The following CDR2 variants were observed in gnomAD, a reference collection of about 807,000 sequenced individuals.
CDR2 encodes cerebellar degeneration-related protein 2.
In CDR2, 34 loss-of-function variants were observed where a neutral mutation model predicts 48.4. That is an observed-to-expected ratio of 0.70 (90% confidence interval 0.53 to 0.94). The LOEUF (loss-of-function observed/expected upper bound fraction) is 0.94. CDR2 is among the 40% of genes least tolerant of loss of function. CDR2 has a pLI of 0.00. For synonymous variants in CDR2, 240 were observed against 219.7 expected (o/e 1.09, Z -0.82); for missense variants, 498 against 549.5 (o/e 0.91, Z 0.94).
At chr16:22,359,304 T>A (rs2048996496) in intron 2 of CDR2, among the ~76,000 whole-genome samples, 3 of 152,206 alleles carry the variant, frequency 2.0e-5, no homozygotes, top group South Asian at 4.1e-4. Flanking sequence ...TTTTTCTATT[T>A]TTAGCAGAGA....
chr16:22,364,904 C>A lies in CDR2; in HGVS notation c.190G>T (p.Glu64Ter). Residue 64 changes from glutamate to a stop codon, truncating the protein, a stop_gained and splice_region_variant, in exon 2 of 5, where the codon GAG (glutamate) becomes TAG (stop). Coordinates refer to ENST00000268383, the MANE Select transcript of CDR2 (RefSeq NM_001802.2). LOFTEE classifies it high-confidence loss of function. Reference protein sequence around the residue: ...TTNQEQLQEIEYLTKQVELLR... With the variant: ...TTNQEQLQEI The stretch of plus-strand genomic sequence containing the variant: ...AACTCTCCTGCCAAGTGAATTACCT[C>A]AATTTCCTGTAACTGCTCCTGATTG... 6.3e-7 allele frequency: 1 copy of A among 1,585,986 alleles called. No homozygotes were observed. The highest frequency in any genetic ancestry group is 8.7e-7 in the Non-Finnish European group (1 of 1,154,536).
chr16:22,354,726 T>TA (rs755319252), intron 2 of CDR2, among the ~76,000 whole-genome samples: 3,662 of 132,252 alleles, frequency 0.028, 65 homozygotes, highest in Non-Finnish European at 0.04. Flanking sequence ...CATCTCTACT[T>TA]AAAAAAAAAA....
chr16:22,365,991 A>T (rs2049042707), intron 1 of CDR2, among the ~76,000 whole-genome samples: 1 of 152,214 alleles, frequency 6.6e-6, no homozygotes, highest in African/African-American at 2.4e-5. Flanking sequence ...TCAATATAAG[A>T]TTGTGAAAAT....
intron 2 of CDR2, among the ~76,000 whole-genome samples, chr16:22,357,089 TC>T (rs2048979753): frequency 6.6e-6 from 1 of 152,096 alleles, no homozygotes; most frequent in Admixed American, 6.5e-5. Context: ...GGAGTCTCAC[TC>T]TGTTGCCCAG....
At chr16:22,350,282 A>T (rs1167758762) in intron 2 of CDR2, among the ~76,000 whole-genome samples, 1 of 152,004 alleles carries the variant, frequency 6.6e-6, no homozygotes, top group Non-Finnish European at 1.5e-5. Flanking sequence ...GCTGACATAG[A>T]GTCTCCATCT....
At chr16:22,365,464 G>A (rs1389733977) in intron 1 of CDR2, among the ~76,000 whole-genome samples, 1 of 152,058 alleles carries the variant, frequency 6.6e-6, no homozygotes, top group African/African-American at 2.4e-5. Context: ...ATATATCCTG[G>A]ACTCCTAAGG....
In CDR2 at chr16:22,347,481, G is replaced by A. The variant is rs777474628; in HGVS notation, c.849C>T (p.Phe283=). Residue 283 remains phenylalanine (F), a synonymous_variant, in exon 5 of 5, where the codon TTC becomes TTT. Transcript: ENST00000268383. The part of the protein sequence containing the change: ...KLVPDSLYVP[F]KEPSQSLLEE... ...CCAGCAGGCTCTGGCTGGGCTCTTT[G>A]AAAGGAACATACAGAGAGTCTGGCA... 20 of 1,613,922 alleles carry A rather than the reference G, an allele frequency of 1.2e-5. No homozygotes were observed. Among genetic ancestry groups the A allele is most frequent in the Non-Finnish European group, 1.7e-5 (20 of 1,180,022 alleles).
At chr16:22,348,324 A>C (rs1405337067) in intron 4 of CDR2, among the ~76,000 whole-genome samples, 1 of 152,150 alleles carries the variant, frequency 6.6e-6, no homozygotes, top group African/African-American at 2.4e-5. Flanking sequence ...AAGCAAACTC[A>C]ATTTTTGTGA....
At position 22,347,164 on chromosome 16, in the gene CDR2, A is replaced by T; in HGVS notation, c.1166T>A (p.Leu389Gln). Residue 389 changes from leucine to glutamine, a missense_variant, in exon 5 of 5, where the codon CTG (leucine) becomes CAG (glutamine). By Grantham distance (113) the Leu-to-Gln change is moderately radical (BLOSUM62 -2). Transcript: ENST00000268383. ...VQTSRAAAKDLTGVNAQSEPV... is the reference protein window; with the variant it reads ...VQTSRAAAKDQTGVNAQSEPV... ...CTCAGACTGGGCGTTCACTCCAGTC[A>T]GGTCCTTGGCTGCAGCCCTGGAGGT... 1 of 1,614,220 alleles carries T rather than the reference A, an allele frequency of 6.2e-7. No homozygotes were observed. The highest frequency in any genetic ancestry group is 8.5e-7 in the Non-Finnish European group (1 of 1,180,020).
At chr16:22,349,520 C>T (rs1223504890) in intron 3 of CDR2, 77 bp from the exon 4 acceptor site, 2 of 1,516,022 alleles carry the variant, frequency 1.3e-6, no homozygotes, top group Non-Finnish European at 1.8e-6. Context: ...AGATTAGGTG[C>T]AAACCACTCA....
At chr16:22,363,231 C>T (rs1430584726) in intron 2 of CDR2, among the ~76,000 whole-genome samples, 1 of 152,180 alleles carries the variant, frequency 6.6e-6, no homozygotes, top group African/African-American at 2.4e-5. Context: ...CTTGAGCCAT[C>T]GCGCCCGGCC....
chr16:22,372,667 G>A (rs928968819), intron 1 of CDR2, among the ~76,000 whole-genome samples: 1 of 152,154 alleles, frequency 6.6e-6, no homozygotes, highest in Non-Finnish European at 1.5e-5. Flanking sequence ...TTGTTAATAT[G>A]TATAATAAAT....
chr16:22,373,758 G>A (rs945894669), intron 1 of CDR2, among the ~76,000 whole-genome samples: 2 of 152,318 alleles, frequency 1.3e-5, no homozygotes, highest in Admixed American at 6.5e-5. Context: ...CTGGAGTTAC[G>A]GTGCGGAGCG....
intron 1 of CDR2, among the ~76,000 whole-genome samples, chr16:22,373,786 C>T (rs1307314803): frequency 6.6e-6 from 1 of 152,256 alleles, no homozygotes; most frequent in Non-Finnish European, 1.5e-5. Flanking sequence ...CCCGCTACGC[C>T]GCAAAACAAC....
Position 22,347,151 on chromosome 16 carries a change from GTTCACT to G in CDR2, c.1173_1178del (p.Val392_Asn393del). 6.2e-7 allele frequency: 1 copy of G among 1,614,174 alleles called. No homozygotes were observed. The highest frequency in any genetic ancestry group is 8.5e-7 in the Non-Finnish European group (1 of 1,179,970). On this transcript the variant is annotated inframe_deletion, in exon 5 of 5. Coordinates refer to ENST00000268383, the MANE Select transcript of CDR2 (RefSeq NM_001802.2). ...CGCTGGCAACAGGCTCAGACTGGGC[GTTCACT>G]CCAGTCAGGTCCTTGGCTGCAGCCC...
chr16:22,374,260 G>A lies in CDR2; in HGVS notation c.50C>T (p.Pro17Leu), dbSNP rs749690263. 2 of 1,603,548 alleles carry A rather than the reference G, an allele frequency of 1.2e-6. No homozygotes were observed. Among genetic ancestry groups the A allele is most frequent in the African/African-American group, 1.4e-5 (1 of 73,330 alleles). Residue 17 changes from proline (P) to leucine (L), a missense_variant, in exon 1 of 5, where the codon CCG becomes CTG. Pro to Leu is a moderately conservative substitution (Grantham distance 98). Coordinates refer to ENST00000268383, the MANE Select transcript of CDR2 (RefSeq NM_001802.2). ...CTGGAGGTCCTGGTGGTCGTACCAC[G>A]GCTCGTCCTCCTTCATCTCAAACTC... ...VEEFEMKEDE[P>L]WYDHQDLQQD...
intron 1 of CDR2, among the ~76,000 whole-genome samples, chr16:22,366,314 C>T (rs976263141): frequency 1.3e-5 from 2 of 152,056 alleles, no homozygotes; most frequent in Admixed American, 6.5e-5. Context: ...AAGGAACTCA[C>T]ATTAAAAAAA....
At chr16:22,366,339 T>C (rs2049044509) in intron 1 of CDR2, among the ~76,000 whole-genome samples, 1 of 152,156 alleles carries the variant, frequency 6.6e-6, no homozygotes, top group Non-Finnish European at 1.5e-5. Flanking sequence ...CCTGCCCTCA[T>C]GGAGCTTATA....
In CDR2 at chr16:22,373,304, C is replaced by T. The variant is rs372429798; in HGVS notation, c.79+927G>A. Reference sequence around the variant, plus strand: ...AGGCCTGTTTCTAAGTGAAAGCTGGCGTGCAAACTGAAGAAAAGTGGCAGA... The same window carrying T: ...AGGCCTGTTTCTAAGTGAAAGCTGGTGTGCAAACTGAAGAAAAGTGGCAGA... On this transcript the variant is annotated intron_variant, in intron 1 of 4. Coordinates refer to ENST00000268383, the MANE Select transcript of CDR2 (RefSeq NM_001802.2). Among the ~76,000 whole-genome samples the T allele has an allele frequency of 3.3e-5, 5 of 152,300 alleles. No homozygotes were observed. The East Asian group carries it at 5.8e-4, about 18-fold the overall frequency.
Sources: allele counts gnomAD v4.1 joint callset (sites outside exome capture counted in the v4.1 genomes callset), GRCh38; gene constraint gnomAD v4.1.1; transcripts MANE v1.5; gene names NCBI Gene and HGNC (gene_info 2026-07-23, HGNC 2026-07-21).